Variants in PARP12 observed in about 807,000 individuals in gnomAD.
PARP12 encodes the protein poly(ADP-ribose) polymerase family member 12, also known as protein mono-ADP-ribosyltransferase PARP12.
Under a neutral mutation model 72.4 loss-of-function variants are expected in PARP12, and 59 were observed. The ratio of observed to expected loss-of-function variants is 0.81; its 90% CI spans 0.66 to 1.01. PARP12 has a LOEUF of 1.01. Among genes scored for constraint, PARP12 ranks in the 50% least tolerant of loss-of-function variants. PARP12 has a pLI of 0.00. For missense variants in PARP12, 851 were observed against 914.0 expected (o/e 0.93, Z 0.89); for synonymous variants, 403 against 371.4 (o/e 1.09, Z -0.98).
intron 4 of PARP12, among the ~76,000 whole-genome samples, chr7:140,050,912 T>C (rs986086210): frequency 6.6e-6 from 1 of 152,166 alleles, no homozygotes; most frequent in South Asian, 2.1e-4. Flanking sequence ...ATAAATCATA[T>C]ACAAAACACA....
intron 8 of PARP12, chr7:140,033,448 C>T: frequency 1.0e-6 from 1 of 985,444 alleles, no homozygotes; most frequent in Non-Finnish European, 1.2e-6. Flanking sequence ...ACCAGTAACA[C>T]TGCCTAAAGT....
intron 8 of PARP12, chr7:140,033,382 C>A: frequency 1.0e-6 from 1 of 985,408 alleles, no homozygotes; most frequent in Non-Finnish European, 1.2e-6. Context: ...ATTGTTGGTT[C>A]TCCATAAAAT....
intron 5 of PARP12, among the ~76,000 whole-genome samples, chr7:140,046,150 G>T (rs1002531488): frequency 3.5e-4 from 54 of 152,342 alleles, no homozygotes; most frequent in African/African-American, 1.0e-3. Context: ...CAAAAAGAAA[G>T]ATTGGGGTGG....
At chr7:140,053,322 A>T (rs1817037408) in intron 4 of PARP12, among the ~76,000 whole-genome samples, 1 of 152,214 alleles carries the variant, frequency 6.6e-6, no homozygotes, top group Admixed American at 6.5e-5. Flanking sequence ...TGCTGATGAG[A>T]GAAGCCAGGC....
chr7:140,028,208 G>A (rs769259317), intron 9 of PARP12, among the ~76,000 whole-genome samples: 59 of 152,148 alleles, frequency 3.9e-4, no homozygotes, highest in African/African-American at 9.7e-4. Flanking sequence ...TCTGCTAGTC[G>A]TGAATGCCTT....
chr7:140,041,759 G>A lies in PARP12; in HGVS notation c.1067C>T (p.Ala356Val). 6.2e-7 allele frequency: 1 copy of A among 1,614,104 alleles called. No individual in the cohort carries two copies. Among genetic ancestry groups the A allele is most frequent in the Non-Finnish European group, 8.5e-7 (1 of 1,179,962 alleles). Residue 356 changes from alanine to valine, a missense_variant, in exon 6 of 12, where the codon GCT becomes GTT. Ala to Val is a moderately conservative substitution (Grantham distance 64, BLOSUM62 0). Around this residue, in one of 3 missense-constraint regions of PARP12, gnomAD observed 492 missense variants for 489.3 expected, o/e 1.01. Transcript: ENST00000263549. ...AGAGGAGGCCGTGGAGAGGCGGCGA[G>A]CCTGGGTAGCACCGTAAGTCATGGC... Reference protein sequence around the residue: ...FNAMTYGATQARRLSTASSVT... With the variant: ...FNAMTYGATQVRRLSTASSVT...
At chr7:140,048,678 G>A (rs1816835208) in intron 4 of PARP12, among the ~76,000 whole-genome samples, 1 of 152,204 alleles carries the variant, frequency 6.6e-6, no homozygotes, top group Non-Finnish European at 1.5e-5. Context: ...GGTAACTGGA[G>A]ACAAAGTTAT....
chr7:140,030,681 C>T (rs780683664), intron 8 of PARP12, among the ~76,000 whole-genome samples: 2 of 152,212 alleles, frequency 1.3e-5, no homozygotes, highest in African/African-American at 4.8e-5. Flanking sequence ...AAATCTTCAT[C>T]GAAGGCAGCC....
chr7:140,056,258 T>C (rs780138130), intron 3 of PARP12, among the ~76,000 whole-genome samples: 2 of 152,192 alleles, frequency 1.3e-5, no homozygotes, highest in Non-Finnish European at 2.9e-5. Flanking sequence ...AAAATAAGTA[T>C]CCTAGCACAC....
intron 9 of PARP12, 38 bp downstream of exon 9, chr7:140,028,575 C>T: frequency 6.6e-7 from 1 of 1,509,872 alleles, no homozygotes; most frequent in South Asian, 1.2e-5. Flanking sequence ...TTCTACAGAA[C>T]ACCTTCCTGT....
intron 5 of PARP12, among the ~76,000 whole-genome samples, chr7:140,043,687 C>T (rs112480746): frequency 0.07 from 10,589 of 152,106 alleles, 480 homozygotes; most frequent in Non-Finnish European, 0.099. Context: ...TGCACCACCA[C>T]GCCCAGCTAA....
intron 1 of PARP12, among the ~76,000 whole-genome samples, chr7:140,059,622 G>T (rs1235323691): frequency 3.3e-5 from 5 of 152,262 alleles, no homozygotes; most frequent in Non-Finnish European, 7.4e-5. Flanking sequence ...GCCAAACCCT[G>T]ATCCACCCCA....
chr7:140,049,111 G>A (rs1816851919), intron 4 of PARP12, among the ~76,000 whole-genome samples: 1 of 128,862 alleles, frequency 7.8e-6, no homozygotes, highest in African/African-American at 2.7e-5. Flanking sequence ...AGCACCTGGT[G>A]GGGGAAGTCC....
chr7:140,060,588 A>G (rs1361770581), intron 1 of PARP12, among the ~76,000 whole-genome samples: 1 of 152,210 alleles, frequency 6.6e-6, no homozygotes, highest in African/African-American at 2.4e-5. Flanking sequence ...GACAAGTCAG[A>G]CCTGACCCCA....
At chr7:140,054,080 T>G (rs1446560267) in intron 4 of PARP12, among the ~76,000 whole-genome samples, 1 of 152,164 alleles carries the variant, frequency 6.6e-6, no homozygotes, top group Non-Finnish European at 1.5e-5. Context: ...AAACCTTTCT[T>G]CAGTCAAAGC....
At position 140,057,165 on chromosome 7, in the gene PARP12, G is replaced by A. The variant is rs1172141584; in HGVS notation, c.463-12C>T. The A allele has an allele frequency of 8.1e-6, 13 of 1,603,624 alleles. No homozygotes were observed. The East Asian group carries it at 2.2e-4, about 28-fold the overall frequency. On this transcript the variant is annotated splice_polypyrimidine_tract_variant and intron_variant, in intron 2 of 11. Coordinates refer to ENST00000263549, the MANE Select transcript of PARP12 (RefSeq NM_022750.4). ...TAATGTTGGCAAATCTGTTGACAGA[G>A]AGGGAAAAAACCACCAGTTCAGGAA... is the stretch of plus-strand genomic sequence containing the variant.
intron 6 of PARP12, among the ~76,000 whole-genome samples, chr7:140,038,950 G>C (rs1405085751): frequency 6.6e-6 from 1 of 152,222 alleles, no homozygotes; most frequent in Admixed American, 6.5e-5. Flanking sequence ...ACGCTGAGAT[G>C]GGTAACTAAG....
chr7:140,046,904 A>G lies in PARP12; in HGVS notation c.966T>C (p.Tyr322=). Residue 322 remains tyrosine (Y), a synonymous_variant, in exon 5 of 12, where the codon TAT becomes TAC. Coordinates refer to ENST00000263549, the MANE Select transcript of PARP12 (RefSeq NM_022750.4). The stretch of plus-strand genomic sequence containing the variant: ...CCTACCTTTCTATTTTGGGATTGCA[A>G]TATGCCTCTTCAATAAGTTCCATGT... The part of the protein sequence containing the change: ...LDNMELIEEA[Y]CNPKIERILC... The G allele has an allele frequency of 6.2e-7, 1 of 1,613,952 alleles. No individual in the cohort carries two copies. The highest frequency in any genetic ancestry group is 8.5e-7 in the Non-Finnish European group (1 of 1,179,980).
At chr7:140,049,188 A>G (rs1340427870) in intron 4 of PARP12, among the ~76,000 whole-genome samples, 2 of 152,152 alleles carry the variant, frequency 1.3e-5, no homozygotes, top group African/African-American at 4.8e-5. Context: ...GACAGGGCAG[A>G]AGAGAGTGCC....
Sources: allele counts gnomAD v4.1 joint callset (sites outside exome capture counted in the v4.1 genomes callset), GRCh38; gene constraint gnomAD v4.1.1; regional missense constraint gnomAD v4.1.1; transcripts MANE v1.5; gene names NCBI Gene and HGNC (gene_info 2026-07-23, HGNC 2026-07-21).